The following INPP5F variants were observed in gnomAD, a reference collection of about 807,000 sequenced individuals.
INPP5F encodes inositol polyphosphate-5-phosphatase F.
In INPP5F, 97 loss-of-function variants were observed where a neutral mutation model predicts 137.2. The ratio of observed to expected loss-of-function variants is 0.71; its 90% CI spans 0.60 to 0.84. The LOEUF (loss-of-function observed/expected upper bound fraction) is 0.84. Ranked by LOEUF, INPP5F falls within the 40% of genes least tolerant of loss-of-function variation. The pLI, the probability that INPP5F is intolerant of heterozygous loss-of-function variation, is 0.00. For synonymous variants in INPP5F, 504 were observed against 476.9 expected, an observed-to-expected ratio of 1.06 and a Z score of -0.74; for missense variants, 1,271 against 1,371.9, an observed-to-expected ratio of 0.93 and a Z score of 1.16.
intron 2 of INPP5F, among the ~76,000 whole-genome samples, chr10:119,756,920 A>G (rs1848865181): frequency 6.7e-6 from 1 of 148,920 alleles, no homozygotes; most frequent in South Asian, 2.1e-4. Context: ...GAAAATATCT[A>G]TTTAGAACCA....
In INPP5F at chr10:119,787,067, A is replaced by C. The variant is rs570579507; in HGVS notation, c.316-4450A>C. Reference sequence around the variant, plus strand: ...ACGATAAAACACATTAATGTTTCTTAAACAATGGTATGAATGTTCATACTA... The same window carrying C: ...ACGATAAAACACATTAATGTTTCTTCAACAATGGTATGAATGTTCATACTA... On this transcript the variant is annotated intron_variant, in intron 3 of 19. Transcript: ENST00000650623. This position sits in a 1 kb window ranked among gnomAD's most constrained non-coding sequence, Gnocchi z 4.1. 2.0e-5 allele frequency among the ~76,000 whole-genome samples: 3 copies of C among 152,302 alleles called. No homozygotes were observed. The South Asian group carries it at 6.2e-4, about 32-fold the overall frequency.
chr10:119,755,037 C>G (rs906957154), intron 2 of INPP5F, among the ~76,000 whole-genome samples: 2 of 152,160 alleles, frequency 1.3e-5, no homozygotes, highest in Admixed American at 6.5e-5. Context: ...TTCTTCTCAC[C>G]TAGGGAGATG....
chr10:119,813,037 G>A (rs981455119), intron 15 of INPP5F, among the ~76,000 whole-genome samples: 1 of 152,062 alleles, frequency 6.6e-6, no homozygotes, highest in African/African-American at 2.4e-5. Context: ...TATCATGATT[G>A]TCAATATCAT....
intron 16 of INPP5F, among the ~76,000 whole-genome samples, chr10:119,821,604 TATCATATGG>T (rs1851563838): frequency 6.6e-6 from 1 of 152,222 alleles, no homozygotes; most frequent in African/African-American, 2.4e-5. Context: ...TGTTGGCATA[TATCATATGG>T]ATTTTTCATT....
chr10:119,822,481 A>T lies in INPP5F; in HGVS notation c.2009A>T (p.Glu670Val). The change falls in exon 17 of 20, where the codon GAA (glutamate) becomes GTA (valine). Residue 670 changes from glutamate to valine, a missense_variant. By Grantham distance (121) the Glu-to-Val change is moderately radical (BLOSUM62 -2). Around this residue, in one of 6 missense-constraint regions of INPP5F, gnomAD observed 593 missense variants for 712.4 expected, o/e 0.83. Transcript: ENST00000650623. Reference protein sequence around the residue: ...KVNQYQRLSLENLEKIEIGPE... With the variant: ...KVNQYQRLSLVNLEKIEIGPE... ...AACCAGTATCAACGACTAAGTCTAG[A>T]AAACCTGGAAAAAATTGAAATAGGT... The T allele has an allele frequency of 6.6e-7, 1 of 1,522,262 alleles. No individual in the cohort carries two copies. The highest frequency in any genetic ancestry group is 9.0e-7 in the Non-Finnish European group (1 of 1,110,428). 94.3% of individuals were successfully genotyped at this position (1,522,262 alleles called of 1,614,324 possible).
chr10:119,749,366 G>C (rs532699483), intron 1 of INPP5F, among the ~76,000 whole-genome samples: 14 of 152,348 alleles, frequency 9.2e-5, no homozygotes, highest in Admixed American at 3.9e-4. Context: ...GACAGGCTGC[G>C]GCTGCCATCA....
intron 2 of INPP5F, among the ~76,000 whole-genome samples, chr10:119,761,529 A>G (rs1849008729): frequency 6.7e-6 from 1 of 150,332 alleles, no homozygotes; most frequent in South Asian, 2.1e-4. Flanking sequence ...ATAATCAGGG[A>G]TATATGGTGC....
chr10:119,757,974 T>C (rs1451948040), intron 2 of INPP5F, among the ~76,000 whole-genome samples: 1 of 152,238 alleles, frequency 6.6e-6, no homozygotes, highest in Admixed American at 6.5e-5. Context: ...TTCAGAAATA[T>C]TCAGTGAGTA....
Position 119,798,605 on chromosome 10 carries a change from A to G in INPP5F, c.1111A>G (p.Lys371Glu). ...CGAAGAACAACTGAACATTTACAAA[A>G]AACAGGTGGGCTTTGATTTACAGTA... Reference protein sequence around the residue: ...HFEEQLNIYKKQVIINLVDQA... With the variant: ...HFEEQLNIYKEQVIINLVDQA... The change falls in exon 9 of 20, where the codon AAA becomes GAA. Residue 371 changes from lysine to glutamate, a missense_variant. Lys to Glu is a moderately conservative substitution (Grantham distance 56, BLOSUM62 1). Around this residue, in one of 6 missense-constraint regions of INPP5F, gnomAD observed 593 missense variants for 712.4 expected, o/e 0.83. Coordinates refer to ENST00000650623, the MANE Select transcript of INPP5F (RefSeq NM_014937.4). 6.2e-7 allele frequency: 1 copy of G among 1,609,742 alleles called. No individual in the cohort carries two copies. The highest frequency in any genetic ancestry group is 8.5e-7 in the Non-Finnish European group (1 of 1,176,964).
chr10:119,726,158 C>T lies in INPP5F; in HGVS notation c.-105C>T. 1.6e-6 allele frequency: 1 copy of T among 622,014 alleles called. No homozygotes were observed. The highest frequency in any genetic ancestry group is 3.7e-5 in the South Asian group (1 of 26,668). The allele number at this position is 622,014 out of a possible 1,614,324, so 38.5% of individuals were successfully genotyped here. A position where few individuals can be genotyped will look rare whatever the true frequency, so the allele number is the denominator to read the frequency against. ...TCTGCCGCTGCTTCTCGGCGCGGTT[C>T]CTACCCGGCCGCTCCCCGAGGCGCG... On this transcript the variant is annotated 5_prime_UTR_variant, in exon 1 of 20. Coordinates refer to ENST00000650623, the MANE Select transcript of INPP5F (RefSeq NM_014937.4).
intron 2 of INPP5F, among the ~76,000 whole-genome samples, chr10:119,773,053 T>C (rs1474859733): frequency 6.6e-6 from 1 of 151,840 alleles, no homozygotes; most frequent in East Asian, 1.9e-4. Flanking sequence ...CAGCCTAATT[T>C]TTAAAAATTA....
intron 12 of INPP5F, among the ~76,000 whole-genome samples, chr10:119,807,231 C>T (rs1160616262): frequency 6.6e-6 from 1 of 152,034 alleles, no homozygotes; most frequent in Non-Finnish European, 1.5e-5. Context: ...CCAGATCGTG[C>T]CACTGCACTC....
intron 9 of INPP5F, among the ~76,000 whole-genome samples, 175 bp downstream of exon 9, chr10:119,798,785 A>G (rs918370548): frequency 7.9e-6 from 1 of 125,940 alleles, no homozygotes; most frequent in South Asian, 3.1e-4. Context: ...TGAGTCAGCT[A>G]CTTTTTTTTT....
At chr10:119,823,718 C>A in intron 18 of INPP5F, 97 bp from the exon 19 acceptor site, 1 of 801,664 alleles carries the variant, frequency 1.2e-6, no homozygotes, top group Non-Finnish European at 1.9e-6. Flanking sequence ...TTTAATTATA[C>A]GACGACAAAT....
chr10:119,735,451 T>G (rs1848190833), intron 1 of INPP5F, among the ~76,000 whole-genome samples: 1 of 152,238 alleles, frequency 6.6e-6, no homozygotes, highest in African/African-American at 2.4e-5. Flanking sequence ...AATGTCAATA[T>G]GTACGATTTG....
chr10:119,805,555 A>T, intron 11 of INPP5F, 94 bp downstream of exon 11: 4 of 864,688 alleles, frequency 4.6e-6, no homozygotes, highest in Non-Finnish European at 7.5e-6. Context: ...CAGAGACAGC[A>T]TTTTTTTTTG....
intron 2 of INPP5F, among the ~76,000 whole-genome samples, chr10:119,761,111 G>A (rs1175628110): frequency 6.6e-6 from 1 of 152,038 alleles, no homozygotes; most frequent in East Asian, 1.9e-4. Flanking sequence ...TTATTTCAAG[G>A]TTATTTCATT....
At chr10:119,796,525 A>AT (rs1357023967) in intron 6 of INPP5F, among the ~76,000 whole-genome samples, 190 bp from the exon 7 acceptor site, 1 of 152,214 alleles carries the variant, frequency 6.6e-6, no homozygotes, top group Non-Finnish European at 1.5e-5. Flanking sequence ...TGTGTTCACC[A>AT]TAAAGAAAAG....
At chr10:119,823,280 C>T (rs1851632071) in intron 18 of INPP5F, 81 bp downstream of exon 18, 4 of 1,337,890 alleles carry the variant, frequency 3.0e-6, no homozygotes, top group Non-Finnish European at 3.1e-6. Context: ...GGGGACATTT[C>T]ATATCATAAC....
Sources: allele counts gnomAD v4.1 joint callset (sites outside exome capture counted in the v4.1 genomes callset), GRCh38; gene constraint gnomAD v4.1.1; regional missense constraint gnomAD v4.1.1; non-coding constraint Gnocchi (gnomAD v3.1); transcripts MANE v1.5; gene names NCBI Gene and HGNC (gene_info 2026-07-23, HGNC 2026-07-21).